The following ZNF560 variants were observed in gnomAD, a reference collection of about 807,000 sequenced individuals.
The protein encoded by ZNF560 is zinc finger protein 560.
In ZNF560, 54 loss-of-function variants were observed where a neutral mutation model predicts 81.8. The ratio of observed to expected loss-of-function variants is 0.66; its 90% CI spans 0.53 to 0.83. ZNF560 has a LOEUF of 0.83. ZNF560 is among the 40% of genes least tolerant of loss of function. ZNF560 has a pLI of 0.00. For synonymous variants in ZNF560, 321 were observed against 317.9 expected (o/e 1.01, Z -0.10); for missense variants, 940 against 932.4 (o/e 1.01, Z -0.11).
In ZNF560 at chr19:9,467,249, G is replaced by A. The variant is rs201039471; in HGVS notation, c.1698C>T (p.His566=). Reference sequence around the variant, plus strand: ...TACATTCATAGGGTTTCTCTCCAGCGTGTGTTCGTAAATGTTTGGTAAGAT... The same window carrying A: ...TACATTCATAGGGTTTCTCTCCAGCATGTGTTCGTAAATGTTTGGTAAGAT... ...CSYLTKHLRT[H]AGEKPYECMK... The change falls in exon 10 of 10, where the codon CAC becomes CAT. Residue 566 remains histidine (H), a synonymous_variant. Coordinates refer to ENST00000301480, the MANE Select transcript of ZNF560 (RefSeq NM_152476.3). The A allele has an allele frequency of 5.4e-5, 87 of 1,614,138 alleles. No individual in the cohort carries two copies. Among genetic ancestry groups the A allele is most frequent in the Middle Eastern group, 1.7e-4 (1 of 6,060 alleles).
chr19:9,490,546 T>C (rs765021678), intron 2 of ZNF560, among the ~76,000 whole-genome samples: 3 of 152,212 alleles, frequency 2.0e-5, no homozygotes, highest in South Asian at 2.1e-4. Context: ...ATGTGACATA[T>C]AGTAAATGTT....
intron 2 of ZNF560, among the ~76,000 whole-genome samples, chr19:9,478,835 C>A (rs546586106): frequency 6.6e-6 from 1 of 151,470 alleles, no homozygotes; most frequent in South Asian, 2.1e-4. Flanking sequence ...CAAAAATAGA[C>A]AAAGGAAGAA....
At chr19:9,464,638 C>A (rs949061763), downstream of ZNF560, among the ~76,000 whole-genome samples, 2 of 152,220 alleles carry the variant, frequency 1.3e-5, no homozygotes, top group South Asian at 4.2e-4. Flanking sequence ...ACAGGTGGAC[C>A]ATGTCTAAAA....
At chr19:9,461,183 A>C in the ZNF560 span, among the ~76,000 whole-genome samples, 2 of 152,186 alleles carry the variant, frequency 1.3e-5, no homozygotes, top group Non-Finnish European at 2.9e-5. Flanking sequence ...GAACTTGTTG[A>C]AAATAATACA....
chr19:9,476,279 T>C (rs921601371), intron 2 of ZNF560, among the ~76,000 whole-genome samples: 21 of 151,936 alleles, frequency 1.4e-4, no homozygotes, highest in African/African-American at 4.6e-4. Flanking sequence ...CAAGATCTGA[T>C]GGTGGGTTTT....
chr19:9,470,642 AG>A (rs2073107040), intron 6 of ZNF560, 124 bp from the exon 7 acceptor site: 2 of 1,333,306 alleles, frequency 1.5e-6, no homozygotes, highest in East Asian at 4.6e-5. Context: ...CTACACCCCA[AG>A]GTTCAGTGGC....
intron 2 of ZNF560, among the ~76,000 whole-genome samples, chr19:9,485,651 T>C (rs2073373578): frequency 6.6e-6 from 1 of 151,776 alleles, no homozygotes. Flanking sequence ...GTTCAATTGA[T>C]TCTCATGCCT....
intron 4 of ZNF560, among the ~76,000 whole-genome samples, chr19:9,473,578 C>CAA (rs57089671): frequency 1.8e-5 from 2 of 114,038 alleles, no homozygotes; most frequent in African/African-American, 3.3e-5. Flanking sequence ...AATTCCATCT[C>CAA]AAAAAAAAAA....
the ZNF560 span, among the ~76,000 whole-genome samples, chr19:9,458,296 T>C: frequency 6.6e-6 from 1 of 152,238 alleles, no homozygotes; most frequent in African/African-American, 2.4e-5. Flanking sequence ...AATTAACTAA[T>C]TGGATTCTCC....
the ZNF560 span, among the ~76,000 whole-genome samples, chr19:9,506,594 T>C: frequency 6.6e-6 from 1 of 152,202 alleles, no homozygotes; most frequent in Non-Finnish European, 1.5e-5. Context: ...TCTTTATTTC[T>C]CCACACAGCT....
downstream of ZNF560, among the ~76,000 whole-genome samples, chr19:9,466,072 G>A (rs182167332): frequency 4.4e-4 from 67 of 152,258 alleles, no homozygotes; most frequent in Non-Finnish European, 8.1e-4. Context: ...AATGCCAGGT[G>A]CAGTGGCACA....
intron 5 of ZNF560, 134 bp downstream of exon 5, chr19:9,473,045 C>G: frequency 1.3e-6 from 1 of 749,088 alleles, no homozygotes; most frequent in Non-Finnish European, 2.3e-6. Flanking sequence ...GAATCGTGAG[C>G]CAAAATAAAC....
intron 2 of ZNF560, among the ~76,000 whole-genome samples, chr19:9,482,364 G>GTA (rs1056422100): frequency 6.7e-6 from 1 of 148,608 alleles, no homozygotes; most frequent in Non-Finnish European, 1.5e-5. Flanking sequence ...CATGGCACAT[G>GTA]TATATATATG....
the ZNF560 span, among the ~76,000 whole-genome samples, chr19:9,453,996 G>A: frequency 6.6e-5 from 10 of 152,202 alleles, no homozygotes; most frequent in African/African-American, 1.2e-4. Context: ...GCTCGTGATG[G>A]CTATGATGCA....
At chr19:9,460,104 C>T in the ZNF560 span, among the ~76,000 whole-genome samples, 1 of 152,140 alleles carries the variant, frequency 6.6e-6, no homozygotes, top group African/African-American at 2.4e-5. Context: ...GAATCAACAG[C>T]CAATTTGGGT....
chr19:9,486,029 T>C (rs948232199), intron 2 of ZNF560, among the ~76,000 whole-genome samples: 2 of 152,054 alleles, frequency 1.3e-5, no homozygotes, highest in African/African-American at 2.4e-5. Flanking sequence ...CATCGCAACA[T>C]AGGAGGCACC....
Position 9,495,844 on chromosome 19 carries a change from A to C in ZNF560, c.-57+2284T>G, listed in dbSNP as rs938673667. Among the ~76,000 whole-genome samples the C allele has an allele frequency of 3.9e-5, 6 of 152,240 alleles. No individual in the cohort carries two copies. The East Asian group carries it at 9.6e-4, about 24-fold the overall frequency. On this transcript the variant is annotated intron_variant, in intron 2 of 9. Transcript: ENST00000301480. ...TTGAAAACAAGTGGCTTTCAGTTAA[A>C]ACTAAAATCTATTTTCAGATGTAGC...
rs1216288585 is a variant in ZNF560, at chr19:9,467,414, A to C, written c.1533T>G (p.Thr511=). ...TGTAACACTTAAAGGGCTTCTCACC[A>C]GTGTGAGTTCTCAAATGAGCAAAAA... ...SSLFAHLRTH[T]GEKPFKCYKC... is the part of the protein sequence containing the mutation. Residue 511 remains threonine, a synonymous_variant, in exon 10 of 10, where the codon ACT becomes ACG. Coordinates refer to ENST00000301480, the MANE Select transcript of ZNF560 (RefSeq NM_152476.3). 6.2e-7 allele frequency: 1 copy of C among 1,614,160 alleles called. No individual in the cohort carries two copies. The highest frequency in any genetic ancestry group is 1.7e-5 in the Admixed American group (1 of 60,016).
chr19:9,450,403 C>G, the ZNF560 span, among the ~76,000 whole-genome samples: 1 of 152,134 alleles, frequency 6.6e-6, no homozygotes, highest in Non-Finnish European at 1.5e-5. Flanking sequence ...GCAAATAGGA[C>G]TATTTGTCTT....
Sources: allele counts gnomAD v4.1 joint callset (sites outside exome capture counted in the v4.1 genomes callset), GRCh38; gene constraint gnomAD v4.1.1; transcripts MANE v1.5; gene names NCBI Gene and HGNC (gene_info 2026-07-23, HGNC 2026-07-21).